Variants in WDR59 observed in about 807,000 individuals in gnomAD.
The protein encoded by WDR59 is GATOR2 complex protein WDR59.
A neutral mutation model predicts 131.2 loss-of-function variants in WDR59; 100 were observed. That is an observed-to-expected ratio of 0.76 (90% CI 0.65 to 0.90). The LOEUF is 0.90. Ranked by LOEUF, WDR59 falls within the 40% of genes least tolerant of loss-of-function variation. The pLI is 0.00. For synonymous variants in WDR59, 601 were observed against 466.2 expected, an observed-to-expected ratio of 1.29 and a Z score of -3.72; for missense variants, 1,203 against 1,262.2, an observed-to-expected ratio of 0.95 and a Z score of 0.71.
chr16:74,922,940 C>T (rs531998920), intron 9 of WDR59, among the ~76,000 whole-genome samples: 12 of 152,318 alleles, frequency 7.9e-5, no homozygotes, highest in African/African-American at 2.9e-4. Flanking sequence ...GTAGCTTTAT[C>T]CATCCCTGTG....
chr16:74,920,140 G>A (rs2030046161), intron 10 of WDR59, among the ~76,000 whole-genome samples: 1 of 151,660 alleles, frequency 6.6e-6, no homozygotes, highest in Non-Finnish European at 1.5e-5. Flanking sequence ...CTTCAGCTGA[G>A]AAAGAAGTAA....
intron 2 of WDR59, among the ~76,000 whole-genome samples, chr16:74,957,994 G>T (rs994858327): frequency 5.9e-5 from 9 of 152,160 alleles, no homozygotes; most frequent in African/African-American, 2.2e-4. Context: ...CTGCTCCAAA[G>T]GAATCACCTG....
Position 74,898,284 on chromosome 16 carries a change from T to G in WDR59, c.1867-4472A>C, listed in dbSNP as rs2144858011. ...CTAAAAGCCCCTGATCCTCCTGCATTGCTCCAGTCCCACTCTGACGGGCTT... is the reference window on the plus strand; with the variant it reads ...CTAAAAGCCCCTGATCCTCCTGCATGGCTCCAGTCCCACTCTGACGGGCTT... On this transcript the variant is annotated intron_variant, in intron 18 of 25. Coordinates refer to ENST00000262144, the MANE Select transcript of WDR59 (RefSeq NM_030581.4). 2.6e-5 allele frequency among the ~76,000 whole-genome samples: 4 copies of G among 152,264 alleles called. No homozygotes were observed. In the South Asian group the frequency reaches 8.3e-4, roughly 32 times the overall value.
chr16:74,982,106 G>A (rs1224347459), intron 1 of WDR59, among the ~76,000 whole-genome samples: 4 of 147,538 alleles, frequency 2.7e-5, no homozygotes, highest in South Asian at 2.1e-4. Context: ...AAAAAAAAAT[G>A]CAAAATGAAA....
chr16:74,933,131 T>C (rs909467223), intron 8 of WDR59, among the ~76,000 whole-genome samples: 4 of 152,198 alleles, frequency 2.6e-5, no homozygotes, highest in Non-Finnish European at 4.4e-5. Context: ...AGCAAGACCC[T>C]ACCTCTACAA....
At chr16:74,933,165 GT>G (rs1487110254) in intron 8 of WDR59, among the ~76,000 whole-genome samples, 1 of 152,096 alleles carries the variant, frequency 6.6e-6, no homozygotes, top group East Asian at 1.9e-4. Context: ...ATTTGACATG[GT>G]GGCATACACC....
chr16:74,879,602 ATTCT>A (rs1318598944), intron 25 of WDR59, among the ~76,000 whole-genome samples: 3 of 152,164 alleles, frequency 2.0e-5, no homozygotes, highest in South Asian at 2.1e-4. Context: ...AGGAGAAAAC[ATTCT>A]TTCTTCTTTC....
intron 1 of WDR59, among the ~76,000 whole-genome samples, chr16:74,981,208 A>AT (rs1555506879): frequency 1.0e-3 from 155 of 151,410 alleles, no homozygotes; most frequent in African/African-American, 2.7e-3. Context: ...TACTAAAAAA[A>AT]ATATATATAT....
At chr16:74,877,982 G>T (rs1175872429) in intron 25 of WDR59, among the ~76,000 whole-genome samples, 3 of 152,014 alleles carry the variant, frequency 2.0e-5, no homozygotes, top group Non-Finnish European at 4.4e-5. Context: ...AAATTTGGAA[G>T]AATAAAGCTC....
chr16:74,965,636 T>G, intron 2 of WDR59, 137 bp downstream of exon 2: 2 of 1,031,762 alleles, frequency 1.9e-6, no homozygotes, highest in Non-Finnish European at 2.9e-6. Flanking sequence ...CGAGTAGCCC[T>G]GAGGCAAACA....
rs114062788 is a variant in WDR59 at position 74,913,571 on chromosome 16, A to G, written c.1225-1209T>C. Among the ~76,000 whole-genome samples the G allele has an allele frequency of 1.1e-3, 172 of 152,234 alleles. 1 individual carries two copies. Among genetic ancestry groups the G allele is most frequent in the African/African-American group, 4.1e-3 (169 of 41,552 alleles). ...CTCCTAAAGTGCTGGGATTACAGGC[A>G]TGAGCCACCACGAAGTTCAAAGTAT... On this transcript the variant is annotated intron_variant, in intron 13 of 25. Transcript: ENST00000262144.
chr16:74,983,710 T>C (rs2055703737), intron 1 of WDR59, among the ~76,000 whole-genome samples: 1 of 151,910 alleles, frequency 6.6e-6, no homozygotes. Flanking sequence ...GCTCAGTGAA[T>C]CACACCTGTA....
intron 6 of WDR59, among the ~76,000 whole-genome samples, chr16:74,944,339 A>G (rs2032447828): frequency 6.6e-6 from 1 of 151,650 alleles, no homozygotes; most frequent in Non-Finnish European, 1.5e-5. Flanking sequence ...GGTGGCGTGC[A>G]CCTGTAATCC....
At chr16:74,926,033 T>C (rs897924051) in intron 8 of WDR59, among the ~76,000 whole-genome samples, 2 of 149,202 alleles carry the variant, frequency 1.3e-5, no homozygotes, top group African/African-American at 4.9e-5. Flanking sequence ...TCAGACTATA[T>C]GGAAAACAGT....
chr16:74,932,071 A>G (rs559175467), intron 8 of WDR59, among the ~76,000 whole-genome samples: 1 of 149,684 alleles, frequency 6.7e-6, no homozygotes, highest in Admixed American at 6.7e-5. Context: ...ATAATTTTAT[A>G]TATACACATA....
chr16:74,924,650 A>G (rs1597725792), intron 8 of WDR59, among the ~76,000 whole-genome samples: 1 of 152,354 alleles, frequency 6.6e-6, no homozygotes, highest in South Asian at 2.1e-4. Context: ...TATGCTTCTA[A>G]CGTGAGAGAC....
chr16:74,949,713 C>A lies in WDR59; in HGVS notation c.407+5G>T. ...CAAGTGGTTATGCCTCCTAATTGTT[C>A]TTACTTGATATCCCAAATGTAGATG... On this transcript the variant is annotated splice_donor_5th_base_variant and intron_variant, in intron 5 of 25. Coordinates refer to ENST00000262144, the MANE Select transcript of WDR59 (RefSeq NM_030581.4). 1 of 1,613,452 alleles carries A rather than the reference C, an allele frequency of 6.2e-7. No homozygotes were observed. The highest frequency in any genetic ancestry group is 1.1e-5 in the South Asian group (1 of 91,048).
chr16:74,928,107 C>T (rs2031030216), intron 8 of WDR59, among the ~76,000 whole-genome samples: 1 of 151,564 alleles, frequency 6.6e-6, no homozygotes, highest in Non-Finnish European at 1.5e-5. Flanking sequence ...AGGGTTTCAC[C>T]ATGTTGGCCA....
At chr16:74,949,872 C>T (rs1212745844) in intron 4 of WDR59, 74 bp from the exon 5 acceptor site, 8 of 1,364,194 alleles carry the variant, frequency 5.9e-6, no homozygotes, top group Non-Finnish European at 8.3e-6. Flanking sequence ...ACTAGCACAT[C>T]GAGTCTCCAG....
Sources: allele counts gnomAD v4.1 joint callset (sites outside exome capture counted in the v4.1 genomes callset), GRCh38; gene constraint gnomAD v4.1.1; transcripts MANE v1.5; gene names NCBI Gene and HGNC (gene_info 2026-07-23, HGNC 2026-07-21).